PPP2R5E: variants seen among roughly 807,000 people sequenced by gnomAD.
PPP2R5E encodes the protein serine/threonine-protein phosphatase 2A 56 kDa regulatory subunit epsilon isoform.
PPP2R5E carries 4 observed loss-of-function variants against 65.3 expected under a neutral mutation model. That is an observed-to-expected ratio of 0.06 (90% CI 0.03 to 0.14). PPP2R5E has a LOEUF of 0.14. PPP2R5E is among the 10% of genes least tolerant of loss of function. The pLI is 1.00. For missense variants in PPP2R5E, 274 were observed against 556.1 expected, an observed-to-expected ratio of 0.49 and a Z score of 5.10; for synonymous variants, 183 against 187.4, an observed-to-expected ratio of 0.98 and a Z score of 0.19.
chr14:63,543,117 C>G lies in PPP2R5E; in HGVS notation c.-346G>C, dbSNP rs753678565. 218 of 153,404 alleles carry G rather than the reference C, an allele frequency of 1.4e-3. No individual in the cohort carries two copies. The highest frequency in any genetic ancestry group is 1.3e-3 in the Non-Finnish European group (93 of 68,980). The allele number at this position is 153,404 out of a possible 1,614,324, so 9.5% of individuals were successfully genotyped here. A position where few individuals can be genotyped will look rare whatever the true frequency, so the allele number is the denominator to read the frequency against. ...CTCACATTCCTGGCGGGCGGCGCCT[C>G]AGCTCGTTGCCCCGGACCCGGCGGC... On this transcript the variant is annotated 5_prime_UTR_variant, in exon 1 of 14. Transcript: ENST00000337537.
chr14:63,403,946 C>T (rs1020402331), intron 5 of PPP2R5E, among the ~76,000 whole-genome samples: 16 of 152,044 alleles, frequency 1.1e-4, no homozygotes, highest in African/African-American at 3.9e-4. Context: ...TACATAATGG[C>T]TTACAGTAGG....
intron 2 of PPP2R5E, among the ~76,000 whole-genome samples, chr14:63,513,899 C>T (rs1892559543): frequency 6.6e-6 from 1 of 152,162 alleles, no homozygotes; most frequent in Non-Finnish European, 1.5e-5. Context: ...CACTCTCTCC[C>T]GCAGCTCACT....
chr14:63,477,767 C>T (rs2139582384), intron 2 of PPP2R5E, among the ~76,000 whole-genome samples: 1 of 151,936 alleles, frequency 6.6e-6, no homozygotes, highest in African/African-American at 2.4e-5. Flanking sequence ...TAAAAATGTA[C>T]ACTGAAGTGC....
intron 13 of PPP2R5E, among the ~76,000 whole-genome samples, chr14:63,381,354 T>C (rs1436128582): frequency 6.6e-6 from 1 of 152,182 alleles, no homozygotes; most frequent in Non-Finnish European, 1.5e-5. Context: ...TCATTCCCCC[T>C]GCTATTGGAG....
chr14:63,422,360 A>G (rs1464788062), intron 3 of PPP2R5E, among the ~76,000 whole-genome samples: 1 of 152,088 alleles, frequency 6.6e-6, no homozygotes. Flanking sequence ...ATGATTTCAT[A>G]CCTCCCATCA....
At chr14:63,394,269 G>A (rs71414490) in intron 7 of PPP2R5E, among the ~76,000 whole-genome samples, 1 of 152,040 alleles carries the variant, frequency 6.6e-6, no homozygotes, top group African/African-American at 2.4e-5. Flanking sequence ...ATTTTTAGTA[G>A]AGAAGGAGTT....
intron 2 of PPP2R5E, among the ~76,000 whole-genome samples, chr14:63,523,401 G>T (rs928899874): frequency 6.6e-6 from 1 of 152,122 alleles, no homozygotes; most frequent in Non-Finnish European, 1.5e-5. Context: ...GTTGATCTGT[G>T]ACCTTACCCC....
intron 10 of PPP2R5E, 99 bp from the exon 11 acceptor site, chr14:63,389,830 A>G (rs1884904065): frequency 4.7e-6 from 6 of 1,288,046 alleles, no homozygotes; most frequent in Non-Finnish European, 6.2e-6. Flanking sequence ...TTTAAGAAAA[A>G]TTTACACATA....
intron 2 of PPP2R5E, among the ~76,000 whole-genome samples, chr14:63,522,502 C>T (rs1020499513): frequency 1.3e-5 from 2 of 150,608 alleles, no homozygotes; most frequent in African/African-American, 4.9e-5. Context: ...AAGTGAGAAA[C>T]GCCTCTTCCC....
chr14:63,472,480 T>C (rs183486855), intron 2 of PPP2R5E, among the ~76,000 whole-genome samples: 44 of 152,340 alleles, frequency 2.9e-4, no homozygotes, highest in Middle Eastern at 6.8e-3. Context: ...GAAGTTTGGT[T>C]GTTTCATTTT....
At chr14:63,408,308 G>T (rs1186436811) in intron 5 of PPP2R5E, among the ~76,000 whole-genome samples, 2 of 152,058 alleles carry the variant, frequency 1.3e-5, no homozygotes, top group Admixed American at 6.6e-5. Context: ...GAATTGTTGG[G>T]TCTAAATTTA....
chr14:63,483,007 A>G (rs1890790122), intron 2 of PPP2R5E, among the ~76,000 whole-genome samples: 1 of 152,214 alleles, frequency 6.6e-6, no homozygotes, highest in South Asian at 2.1e-4. Context: ...AACATTAGAA[A>G]TAAGAACATA....
At chr14:63,508,006 T>C (rs1224675790) in intron 2 of PPP2R5E, 2 of 308,366 alleles carry the variant, frequency 6.5e-6, no homozygotes, top group Non-Finnish European at 9.5e-6. Flanking sequence ...TGAGTCCCCT[T>C]TGTAGAGATC....
chr14:63,413,103 A>G (rs1886493851), intron 5 of PPP2R5E, among the ~76,000 whole-genome samples: 1 of 152,224 alleles, frequency 6.6e-6, no homozygotes, highest in Non-Finnish European at 1.5e-5. Context: ...CTAATTTGCT[A>G]AAGAACTAGA....
At chr14:63,525,795 A>G (rs1160617770) in intron 2 of PPP2R5E, among the ~76,000 whole-genome samples, 3 of 152,210 alleles carry the variant, frequency 2.0e-5, no homozygotes, top group African/African-American at 7.2e-5. Flanking sequence ...AAGGTGCAAT[A>G]AACTTAAAAG....
intron 2 of PPP2R5E, among the ~76,000 whole-genome samples, chr14:63,523,347 C>CA (rs1294497900): frequency 1.3e-5 from 2 of 152,118 alleles, no homozygotes; most frequent in African/African-American, 4.8e-5. Flanking sequence ...GGAGACTTTT[C>CA]ATTTTGTTCT....
At chr14:63,437,159 T>C (rs1245719093) in intron 3 of PPP2R5E, among the ~76,000 whole-genome samples, 1 of 152,186 alleles carries the variant, frequency 6.6e-6, no homozygotes, top group Non-Finnish European at 1.5e-5. Flanking sequence ...CATGGCAATG[T>C]CAAGAAGTTA....
intron 2 of PPP2R5E, among the ~76,000 whole-genome samples, chr14:63,456,166 A>C (rs1320962993): frequency 6.6e-6 from 1 of 152,254 alleles, no homozygotes; most frequent in Non-Finnish European, 1.5e-5. Context: ...AAAGTCTAAA[A>C]ATCAGACTAT....
intron 2 of PPP2R5E, among the ~76,000 whole-genome samples, chr14:63,481,265 G>A (rs1890682686): frequency 2.0e-5 from 3 of 152,144 alleles, no homozygotes. Flanking sequence ...GGGAGGCCGA[G>A]GCGGGTGAAT....
Sources: allele counts gnomAD v4.1 joint callset (sites outside exome capture counted in the v4.1 genomes callset), GRCh38; gene constraint gnomAD v4.1.1; transcripts MANE v1.5; gene names NCBI Gene and HGNC (gene_info 2026-07-23, HGNC 2026-07-21).